The following SLC9A2 variants were observed in gnomAD, a reference collection of about 807,000 sequenced individuals.
SLC9A2 encodes sodium/hydrogen exchanger 2.
A neutral mutation model predicts 71.7 loss-of-function variants in SLC9A2; 42 were observed. The ratio of observed to expected loss-of-function variants is 0.59; its 90% CI spans 0.46 to 0.76. The LOEUF is 0.76. SLC9A2 is among the 30% of genes least tolerant of loss of function. The pLI is 0.00. For missense variants in SLC9A2, 829 were observed against 1,017.4 expected, an observed-to-expected ratio of 0.81 and a Z score of 2.52; for synonymous variants, 396 against 392.5, an observed-to-expected ratio of 1.01 and a Z score of -0.10.
At chr2:102,649,131 A>C (rs1223710662) in intron 1 of SLC9A2, among the ~76,000 whole-genome samples, 1 of 152,174 alleles carries the variant, frequency 6.6e-6, no homozygotes, top group Non-Finnish European at 1.5e-5. Flanking sequence ...TAGGTATATA[A>C]ACCAATGGAA....
intron 5 of SLC9A2, among the ~76,000 whole-genome samples, chr2:102,693,434 A>G (rs187532349): frequency 2.6e-4 from 39 of 152,320 alleles, no homozygotes; most frequent in Non-Finnish European, 5.0e-4. Flanking sequence ...AGAAATGCTT[A>G]TAATGTTTCA....
At chr2:102,687,264 T>C (rs1359529666) in intron 5 of SLC9A2, among the ~76,000 whole-genome samples, 9 of 152,160 alleles carry the variant, frequency 5.9e-5, no homozygotes, top group Non-Finnish European at 1.0e-4. Flanking sequence ...TACCTACCAC[T>C]GGTTCTTAAG....
Position 102,708,141 on chromosome 2 carries a change from C to A in SLC9A2, c.2091C>A (p.Asp697Glu). ...SIADGNSSDSDADAGTTVLNL... is the reference protein window; with the variant it reads ...SIADGNSSDSEADAGTTVLNL... ...TAGATGGCAATAGCAGCGACTCAGA[C>A]GCAGATGCCGGGACCACCGTGCTCA... is the stretch of plus-strand genomic sequence containing the variant. Residue 697 changes from aspartate (D) to glutamate (E), a missense_variant, in exon 12 of 12, where the codon GAC (aspartate) becomes GAA (glutamate). Physicochemically the swap from Asp to Glu is conservative, Grantham distance 45. This residue lies in a region of SLC9A2 where 223 missense variants were observed against 197.5 expected (regional missense o/e 1.13). Transcript: ENST00000233969. 6.2e-7 allele frequency: 1 copy of A among 1,613,110 alleles called. No homozygotes were observed. Among genetic ancestry groups the A allele is most frequent in the Non-Finnish European group, 8.5e-7 (1 of 1,179,640 alleles).
intron 1 of SLC9A2, among the ~76,000 whole-genome samples, chr2:102,639,806 T>C (rs1303462265): frequency 6.6e-6 from 1 of 152,234 alleles, no homozygotes; most frequent in Non-Finnish European, 1.5e-5. Context: ...ATACAGTATT[T>C]GTTCTTCTAT....
At position 102,710,616 on chromosome 2, in the gene SLC9A2, T is replaced by G. The variant is rs1678088410; in HGVS notation, c.*2127T>G. The G allele has an allele frequency of 1.3e-5, 2 of 152,002 alleles. No individual in the cohort carries two copies. Among genetic ancestry groups the G allele is most frequent in the East Asian group, 1.9e-4 (1 of 5,230 alleles). 9.4% of individuals were successfully genotyped at this position (152,002 alleles called of 1,614,324 possible). The stretch of plus-strand genomic sequence containing the variant: ...CTTAATTATTATCAGTTTAAATTTT[T>G]TTTGTTTGTTGAATGACAAAGGCAA... On this transcript the variant is annotated 3_prime_UTR_variant, in exon 12 of 12. Transcript: ENST00000233969.
At chr2:102,687,859 A>T (rs1254099666) in intron 5 of SLC9A2, among the ~76,000 whole-genome samples, 1 of 151,912 alleles carries the variant, frequency 6.6e-6, no homozygotes, top group Admixed American at 6.5e-5. Flanking sequence ...GCTCACTGCA[A>T]CCTCTGCCTC....
At chr2:102,672,193 A>T (rs577745143) in intron 3 of SLC9A2, among the ~76,000 whole-genome samples, 1 of 152,332 alleles carries the variant, frequency 6.6e-6, no homozygotes, top group East Asian at 1.9e-4. Context: ...AGAATATCTC[A>T]TTAGTAATTT....
At chr2:102,650,245 T>C (rs559819742) in intron 1 of SLC9A2, among the ~76,000 whole-genome samples, 2 of 152,290 alleles carry the variant, frequency 1.3e-5, no homozygotes, top group Admixed American at 1.3e-4. Context: ...TGCATGTTTT[T>C]GTTCATAAGT....
chr2:102,676,815 T>A (rs1361575821), intron 3 of SLC9A2, among the ~76,000 whole-genome samples: 1 of 152,250 alleles, frequency 6.6e-6, no homozygotes, highest in Non-Finnish European at 1.5e-5. Flanking sequence ...AAAAGCTTTT[T>A]AATTGGTCTT....
chr2:102,652,078 G>C (rs897251982), intron 1 of SLC9A2, among the ~76,000 whole-genome samples: 3 of 152,140 alleles, frequency 2.0e-5, no homozygotes, highest in Admixed American at 1.3e-4. Context: ...AAGTTGGGCT[G>C]TTCCTAAATG....
intron 1 of SLC9A2, among the ~76,000 whole-genome samples, chr2:102,620,963 T>C (rs1320383365): frequency 6.6e-6 from 1 of 151,734 alleles, no homozygotes; most frequent in Non-Finnish European, 1.5e-5. Context: ...CGAGGATCAC[T>C]GATCAACATG....
intron 9 of SLC9A2, 45 bp from the exon 10 acceptor site, chr2:102,704,498 GT>G (rs1558725726): frequency 2.5e-6 from 4 of 1,581,824 alleles, no homozygotes; most frequent in Admixed American, 1.7e-5. Flanking sequence ...AAATGATCAG[GT>G]TTTTGTTTTT....
intron 9 of SLC9A2, among the ~76,000 whole-genome samples, chr2:102,703,857 T>C (rs1442404350): frequency 6.6e-6 from 1 of 152,236 alleles, no homozygotes; most frequent in East Asian, 1.9e-4. Context: ...TGGGATGTAA[T>C]CATTGTGGGG....
At chr2:102,704,733 T>C in intron 10 of SLC9A2, 58 bp downstream of exon 10, 3 of 1,546,930 alleles carry the variant, frequency 1.9e-6, no homozygotes, top group Non-Finnish European at 2.7e-6. Flanking sequence ...GCTATTCCAT[T>C]GATCAGCTGA....
intron 2 of SLC9A2, among the ~76,000 whole-genome samples, chr2:102,662,085 T>A (rs890901578): frequency 6.6e-6 from 1 of 152,166 alleles, no homozygotes; most frequent in African/African-American, 2.4e-5. Flanking sequence ...CGCTCCTACC[T>A]GAGATATTAG....
chr2:102,623,089 C>A (rs189875936), intron 1 of SLC9A2, among the ~76,000 whole-genome samples: 1 of 152,286 alleles, frequency 6.6e-6, no homozygotes, highest in Admixed American at 6.5e-5. Context: ...TTTATATTTC[C>A]TGGGCCCCCT....
At chr2:102,679,973 A>G (rs974517976) in intron 3 of SLC9A2, among the ~76,000 whole-genome samples, 2 of 152,240 alleles carry the variant, frequency 1.3e-5, no homozygotes, top group Admixed American at 6.5e-5. Flanking sequence ...TTGTTTTAAC[A>G]AATACAAGTG....
At chr2:102,646,467 A>G (rs1431375911) in intron 1 of SLC9A2, among the ~76,000 whole-genome samples, 4 of 152,260 alleles carry the variant, frequency 2.6e-5, no homozygotes, top group African/African-American at 9.6e-5. Context: ...AGACTTAAAT[A>G]TAAATGGGCT....
rs983191525 is a variant in SLC9A2 at position 102,682,981 on chromosome 2, C to T, written c.1005-280C>T. 6.6e-5 allele frequency among the ~76,000 whole-genome samples: 10 copies of T among 152,140 alleles called. No individual in the cohort carries two copies. The East Asian group carries it at 9.6e-4, about 15-fold the overall frequency. On this transcript the variant is annotated intron_variant, in intron 3 of 11. Coordinates refer to ENST00000233969, the MANE Select transcript of SLC9A2 (RefSeq NM_003048.6). ...CAGAAAGGAGAGCTGATGGTGTCGA[C>T]GTCCATAGACCTTTAAGTGTGAATC...
Sources: gnomAD v4.1 joint callset for allele counts (sites outside exome capture counted in the v4.1 genomes callset) on GRCh38, gnomAD v4.1.1 for gene constraint, gnomAD v4.1.1 regional missense constraint, MANE v1.5 for transcripts, NCBI Gene and HGNC (gene_info 2026-07-23, HGNC 2026-07-21) for gene names.